Variants in ENPP3 observed in about 807,000 individuals in gnomAD.
The protein encoded by ENPP3 is ectonucleotide pyrophosphatase/phosphodiesterase 3.
A neutral mutation model predicts 117.8 loss-of-function variants in ENPP3; 104 were observed. That is an observed-to-expected ratio of 0.88 (90% CI 0.75 to 1.04). The LOEUF (loss-of-function observed/expected upper bound fraction) is 1.04, where lower values mean the gene tolerates loss of function less well. ENPP3 is among the 50% of genes least tolerant of loss of function. The pLI is 0.00. For missense variants in ENPP3, 1,026 were observed against 1,051.9 expected, an observed-to-expected ratio of 0.98 and a Z score of 0.34; for synonymous variants, 380 against 349.9, an observed-to-expected ratio of 1.09 and a Z score of -0.96.
At chr6:131,655,345 T>C (rs1019226648) in intron 5 of ENPP3, among the ~76,000 whole-genome samples, 26 of 152,230 alleles carry the variant, frequency 1.7e-4, no homozygotes, top group African/African-American at 6.3e-4. Flanking sequence ...ACCCTTTGGC[T>C]CTATTATCTC....
intron 5 of ENPP3, among the ~76,000 whole-genome samples, chr6:131,656,276 T>G (rs1190859818): frequency 6.6e-6 from 1 of 152,072 alleles, no homozygotes; most frequent in African/African-American, 2.4e-5. Flanking sequence ...GTAAAAATAA[T>G]ATGGATGCAA....
intron 6 of ENPP3, among the ~76,000 whole-genome samples, chr6:131,661,563 T>C (rs1040599359): frequency 1.3e-5 from 2 of 152,172 alleles, no homozygotes; most frequent in African/African-American, 4.8e-5. Flanking sequence ...AAGTGCTGAT[T>C]ACAGGTGTGA....
chr6:131,718,780 G>A, intron 16 of ENPP3, 42 bp downstream of exon 16: 1 of 1,223,466 alleles, frequency 8.2e-7, no homozygotes, highest in Non-Finnish European at 1.2e-6. Context: ...TTTAAGTTCA[G>A]GGGTACATGT....
At chr6:131,640,039 C>A (rs1203645282) in intron 1 of ENPP3, among the ~76,000 whole-genome samples, 2 of 152,032 alleles carry the variant, frequency 1.3e-5, no homozygotes, top group Admixed American at 1.3e-4. Context: ...AAACAAGCCA[C>A]AAATATATGG....
intron 5 of ENPP3, 107 bp downstream of exon 5, chr6:131,652,998 TC>T: frequency 1.4e-6 from 1 of 720,078 alleles, no homozygotes; most frequent in Non-Finnish European, 2.4e-6. Context: ...CATGTACATT[TC>T]AAAACAGAAT....
At chr6:131,697,645 G>C (rs932094042) in intron 15 of ENPP3, among the ~76,000 whole-genome samples, 1 of 151,784 alleles carries the variant, frequency 6.6e-6, no homozygotes, top group Non-Finnish European at 1.5e-5. Flanking sequence ...TTAGATTTTC[G>C]TAAGGAGCAT....
intron 1 of ENPP3, among the ~76,000 whole-genome samples, chr6:131,640,707 A>G (rs1476271997): frequency 6.6e-6 from 1 of 152,172 alleles, no homozygotes; most frequent in Non-Finnish European, 1.5e-5. Context: ...CTTTATGACA[A>G]CATACAGTAT....
intron 8 of ENPP3, chr6:131,674,529 A>T (rs1466226918): frequency 8.0e-6 from 4 of 499,856 alleles, no homozygotes; most frequent in Non-Finnish European, 1.4e-5. Flanking sequence ...TTACTCAGAA[A>T]GATTATCTGT....
intron 24 of ENPP3, among the ~76,000 whole-genome samples, chr6:131,742,007 A>T (rs77494521): frequency 0.023 from 3,562 of 152,284 alleles, 130 homozygotes; most frequent in African/African-American, 0.081. Context: ...CTGCTGTAGT[A>T]GTATTTCAAA....
At position 131,652,579 on chromosome 6, in the gene ENPP3, G is replaced by T. The variant is rs777317991; in HGVS notation, c.315G>T (p.Glu105Asp). 15 of 1,613,866 alleles carry T rather than the reference G, an allele frequency of 9.3e-6. No homozygotes were observed. Among genetic ancestry groups the T allele is most frequent in the Non-Finnish European group, 1.3e-5 (15 of 1,179,914 alleles). ...IWMCNKFRCG[E>D]TRLEASLCSC... ...TGTGCAATAAATTTCGTTGTGGAGA[G>T]ACCAGATTAGAGGCCAGCCTTTGCT... The change falls in exon 4 of 25, where the codon GAG becomes GAT. Residue 105 changes from glutamate (E) to aspartate (D), a missense_variant. By Grantham distance (45) the Glu-to-Asp change is conservative. Coordinates refer to ENST00000357639, the MANE Select transcript of ENPP3 (RefSeq NM_005021.5).
At chr6:131,723,479 A>G (rs1032822130) in intron 18 of ENPP3, among the ~76,000 whole-genome samples, 4 of 152,198 alleles carry the variant, frequency 2.6e-5, no homozygotes, top group African/African-American at 9.6e-5. Context: ...AAACATGCTC[A>G]GAGAAGTTAG....
intron 23 of ENPP3, 118 bp from the exon 24 acceptor site, chr6:131,740,104 CTT>C (rs1780494756): frequency 1.3e-6 from 1 of 756,296 alleles, no homozygotes; most frequent in East Asian, 3.3e-5. Context: ...TGCTGTCAAA[CTT>C]AGAATTATAA....
chr6:131,714,216 G>GA (rs1779844565), intron 15 of ENPP3, among the ~76,000 whole-genome samples: 2 of 148,506 alleles, frequency 1.3e-5, no homozygotes, highest in South Asian at 4.3e-4. Flanking sequence ...AATCTTAAGT[G>GA]AAATCATTGT....
intron 14 of ENPP3, among the ~76,000 whole-genome samples, chr6:131,688,894 TC>T (rs1278597572): frequency 0.098 from 6,478 of 65,864 alleles, 476 homozygotes; most frequent in African/African-American, 0.32. Flanking sequence ...CTACTAAAAA[TC>T]CAAAAAAAAA....
At chr6:131,745,159 A>G (rs1294858181) in intron 24 of ENPP3, among the ~76,000 whole-genome samples, 1 of 152,214 alleles carries the variant, frequency 6.6e-6, no homozygotes, top group Non-Finnish European at 1.5e-5. Context: ...ATGGAAAAAA[A>G]AGTGATCAAA....
intron 8 of ENPP3, 95 bp downstream of exon 8, chr6:131,674,376 C>T: frequency 8.1e-7 from 1 of 1,229,420 alleles, no homozygotes; most frequent in Non-Finnish European, 1.2e-6. Flanking sequence ...AGTTCTATGT[C>T]ACCCATCTAG....
chr6:131,700,748 C>A (rs753054702), intron 15 of ENPP3: 1 of 1,540,120 alleles, frequency 6.5e-7, no homozygotes, highest in Non-Finnish European at 8.7e-7. Context: ...AGAGGATGCA[C>A]ATATATGAAA....
chr6:131,662,741 G>C (rs1438568068), intron 6 of ENPP3, among the ~76,000 whole-genome samples: 2 of 152,046 alleles, frequency 1.3e-5, no homozygotes, highest in African/African-American at 2.4e-5. Flanking sequence ...TTGGGGTTTT[G>C]ATAAAGATTA....
intron 14 of ENPP3, among the ~76,000 whole-genome samples, chr6:131,693,279 C>G (rs1259587642): frequency 6.6e-6 from 1 of 151,418 alleles, no homozygotes; most frequent in Non-Finnish European, 1.5e-5. Context: ...TGGGTTAAAT[C>G]AGATTTTTAA....
Sources: gnomAD v4.1 joint callset for allele counts (sites outside exome capture counted in the v4.1 genomes callset) on GRCh38, gnomAD v4.1.1 for gene constraint, MANE v1.5 for transcripts, NCBI Gene and HGNC (gene_info 2026-07-23, HGNC 2026-07-21) for gene names.